Variants in CTCF observed in about 807,000 individuals in gnomAD.
CTCF encodes transcriptional repressor CTCF.
Under a neutral mutation model 72.3 loss-of-function variants are expected in CTCF, and 7 were observed. The observed-to-expected ratio is 0.10, with a 90% confidence interval of 0.06 to 0.18. The LOEUF is 0.18. Ranked by LOEUF, CTCF falls within the 10% of genes least tolerant of loss-of-function variation. CTCF has a pLI of 1.00. For synonymous variants in CTCF, 374 were observed against 315.8 expected (o/e 1.18, Z -1.95); for missense variants, 516 against 949.1 (o/e 0.54, Z 6.00).
chr16:67,604,128 CAAAAAAA>C (rs762004795), intron 2 of CTCF, among the ~76,000 whole-genome samples: 1 of 57,530 alleles, frequency 1.7e-5, no homozygotes, highest in African/African-American at 6.3e-5. Flanking sequence ...AACCCCGTCT[CAAAAAAA>C]AAAAAAAAAA....
intron 1 of CTCF, among the ~76,000 whole-genome samples, chr16:67,563,102 C>T (rs1179809802): frequency 1.3e-5 from 2 of 152,022 alleles, no homozygotes; most frequent in Non-Finnish European, 2.9e-5. Flanking sequence ...CTGTGTCCTC[C>T]GCCCCTCCCG....
At chr16:67,597,790 C>G (rs1181602851) in intron 2 of CTCF, among the ~76,000 whole-genome samples, 1 of 152,060 alleles carries the variant, frequency 6.6e-6, no homozygotes, top group African/African-American at 2.4e-5. Context: ...TTTTTATTTG[C>G]TAGGCTTTGT....
chr16:67,600,641 C>G (rs909665945), intron 2 of CTCF, among the ~76,000 whole-genome samples: 1 of 152,140 alleles, frequency 6.6e-6, no homozygotes, highest in Non-Finnish European at 1.5e-5. Context: ...TCCCAAAGTG[C>G]TGGGATTACA....
chr16:67,621,615 G>C, intron 7 of CTCF, 24 bp downstream of exon 7: 1 of 1,547,574 alleles, frequency 6.5e-7, no homozygotes, highest in Non-Finnish European at 8.9e-7. Flanking sequence ...CTAGTGAGAA[G>C]TGAAAAAAAT....
intron 2 of CTCF, among the ~76,000 whole-genome samples, chr16:67,578,870 C>G (rs2051540450): frequency 6.6e-6 from 1 of 151,302 alleles, no homozygotes; most frequent in Non-Finnish European, 1.5e-5. Flanking sequence ...ATCGCTTCAA[C>G]CCGGGAAGTG....
At chr16:67,565,203 T>C (rs964912579) in intron 1 of CTCF, among the ~76,000 whole-genome samples, 1 of 151,970 alleles carries the variant, frequency 6.6e-6, no homozygotes, top group Non-Finnish European at 1.5e-5. Context: ...GTTTTCACGA[T>C]GTTGGCCAGG....
chr16:67,628,079 A>G (rs887661717), intron 8 of CTCF, among the ~76,000 whole-genome samples: 1 of 151,966 alleles, frequency 6.6e-6, no homozygotes, highest in African/African-American at 2.4e-5. Context: ...TGGGCGATAG[A>G]GCGAGACTCC....
In CTCF at chr16:67,577,525, C is replaced by T. The variant is rs954606935; in HGVS notation, c.-10+6261C>T. Among the ~76,000 whole-genome samples, 3 of 151,122 alleles carry T rather than the reference C, an allele frequency of 2.0e-5. No homozygotes were observed. In the East Asian group the frequency reaches 5.9e-4, roughly 30 times the overall value. ...CGATATTGGCTCACTGCAAGCTCCGCCTCCCGGGTTCATGTCATTCCCCCG... is the reference window on the plus strand; with the variant it reads ...CGATATTGGCTCACTGCAAGCTCCGTCTCCCGGGTTCATGTCATTCCCCCG... On this transcript the variant is annotated intron_variant, in intron 2 of 11. Coordinates refer to ENST00000264010, the MANE Select transcript of CTCF (RefSeq NM_006565.4).
intron 2 of CTCF, among the ~76,000 whole-genome samples, chr16:67,595,703 C>A (rs1421568999): frequency 6.6e-6 from 1 of 152,090 alleles, no homozygotes; most frequent in African/African-American, 2.4e-5. Context: ...TATCTCACCC[C>A]AGGTCACAAT....
At chr16:67,584,052 G>C (rs997224180) in intron 2 of CTCF, among the ~76,000 whole-genome samples, 5 of 152,078 alleles carry the variant, frequency 3.3e-5, no homozygotes, top group African/African-American at 1.2e-4. Context: ...CTTGTGTGCA[G>C]CCTCACTGTG....
In CTCF at chr16:67,610,183, A is replaced by G. The variant is rs186861048; in HGVS notation, c.-9-641A>G. Among the ~76,000 whole-genome samples, 27 of 152,188 alleles carry G rather than the reference A, an allele frequency of 1.8e-4. No homozygotes were observed. In the East Asian group the frequency reaches 4.6e-3, roughly 26 times the overall value. The stretch of plus-strand genomic sequence containing the variant: ...CAGAAGAACCTGAGTATAATCTTGC[A>G]GTGTTTCCCTCGGTATGGATTTCAC... On this transcript the variant is annotated intron_variant, in intron 2 of 11. Transcript: ENST00000264010.
At chr16:67,602,861 AGAG>A (rs1438378334) in intron 2 of CTCF, among the ~76,000 whole-genome samples, 15 of 150,458 alleles carry the variant, frequency 1.0e-4, no homozygotes, top group African/African-American at 1.7e-4. Flanking sequence ...AAAAAAAAAA[AGAG>A]AAGAAAATCT....
intron 2 of CTCF, among the ~76,000 whole-genome samples, chr16:67,580,585 A>G (rs951551598): frequency 6.6e-6 from 1 of 151,442 alleles, no homozygotes; most frequent in African/African-American, 2.4e-5. Context: ...TTTTGAGACG[A>G]AGTCTCGCTC....
chr16:67,577,635 C>T (rs931547758), intron 2 of CTCF, among the ~76,000 whole-genome samples: 45 of 151,058 alleles, frequency 3.0e-4, no homozygotes, highest in Non-Finnish European at 5.2e-4. Context: ...TTAGTAGAGA[C>T]GGGATTTCAC....
chr16:67,637,659 T>A, intron 11 of CTCF, 29 bp from the exon 12 acceptor site: 3 of 1,589,632 alleles, frequency 1.9e-6, no homozygotes, highest in Middle Eastern at 1.7e-4. Context: ...TAATGGACCA[T>A]TTGTTCTGTC....
intron 10 of CTCF, among the ~76,000 whole-genome samples, chr16:67,633,572 C>T (rs2052391472): frequency 6.6e-6 from 1 of 152,004 alleles, no homozygotes; most frequent in East Asian, 1.9e-4. Flanking sequence ...TTCAAAAGAA[C>T]TCTTGCTACT....
At chr16:67,592,578 G>A (rs567603923) in intron 2 of CTCF, among the ~76,000 whole-genome samples, 2 of 151,896 alleles carry the variant, frequency 1.3e-5, no homozygotes, top group Non-Finnish European at 2.9e-5. Context: ...GGTGGCATGC[G>A]CCTGTAGTCC....
chr16:67,608,969 G>A (rs761108596), intron 2 of CTCF, among the ~76,000 whole-genome samples: 16 of 151,888 alleles, frequency 1.1e-4, no homozygotes, highest in South Asian at 2.1e-4. Context: ...TCGTACTCCC[G>A]ACCTCAGGTG....
intron 5 of CTCF, among the ~76,000 whole-genome samples, chr16:67,619,573 C>A (rs2052175803): frequency 6.6e-6 from 1 of 152,058 alleles, no homozygotes; most frequent in Non-Finnish European, 1.5e-5. Flanking sequence ...GTTCAAAACG[C>A]TTTTTGGAGC....
Sources: allele counts gnomAD v4.1 joint callset (sites outside exome capture counted in the v4.1 genomes callset), GRCh38; gene constraint gnomAD v4.1.1; transcripts MANE v1.5; gene names NCBI Gene and HGNC (gene_info 2026-07-23, HGNC 2026-07-21).